The following MSH3 variants were observed in gnomAD, a reference collection of about 807,000 sequenced individuals.
The protein encoded by MSH3 is DNA mismatch repair protein Msh3.
A neutral mutation model predicts 123.3 loss-of-function variants in MSH3; 106 were observed. The ratio of observed to expected loss-of-function variants is 0.86; its 90% CI spans 0.73 to 1.01. MSH3 has a LOEUF of 1.01. MSH3 is among the 50% of genes least tolerant of loss of function. MSH3 has a pLI of 0.00. For missense variants in MSH3, 1,459 were observed against 1,347.6 expected (o/e 1.08, Z -1.29); for synonymous variants, 515 against 481.4 (o/e 1.07, Z -0.91).
chr5:80,755,788 C>G (rs1743916780), intron 12 of MSH3, among the ~76,000 whole-genome samples: 1 of 152,010 alleles, frequency 6.6e-6, no homozygotes, highest in South Asian at 2.1e-4. Flanking sequence ...GGTCTTGGGT[C>G]CATTTAAGTT....
chr5:80,740,835 C>T (rs1743600345), intron 10 of MSH3, among the ~76,000 whole-genome samples: 1 of 151,946 alleles, frequency 6.6e-6, no homozygotes, highest in Non-Finnish European at 1.5e-5. Context: ...GTGCTTCAGC[C>T]TCCCGAGTAC....
intron 23 of MSH3, 45 bp from the exon 24 acceptor site, chr5:80,875,706 C>A (rs2112131617): frequency 2.6e-6 from 3 of 1,140,266 alleles, no homozygotes; most frequent in Non-Finnish European, 2.6e-6. Flanking sequence ...TATTGTCTCC[C>A]AGCAATTTCA....
chr5:80,770,346 G>A (rs1580036588), intron 15 of MSH3, among the ~76,000 whole-genome samples: 2 of 151,730 alleles, frequency 1.3e-5, no homozygotes, highest in South Asian at 2.1e-4. Context: ...TACGACCATG[G>A]AAGAGTTACC....
Position 80,670,252 on chromosome 5 carries a change from T to C in MSH3, c.735T>C (p.Asp245=), listed in dbSNP as rs1161728755. The change falls in exon 4 of 24, where the codon GAT becomes GAC. Residue 245 remains aspartate (D), a synonymous_variant. Coordinates refer to ENST00000265081, the MANE Select transcript of MSH3 (RefSeq NM_002439.5). ...QYIEMKQQHK[D]AVLCVECGYK... ...TAGAAATGAAGCAGCAGCACAAAGA[T>C]GCAGTTTTGTGTGTGGAATGTGGAT... 7 of 1,614,144 alleles carry C rather than the reference T, an allele frequency of 4.3e-6. No homozygotes were observed. The highest frequency in any genetic ancestry group is 5.9e-6 in the Non-Finnish European group (7 of 1,180,010).
chr5:80,732,646 A>G (rs1017483496), intron 10 of MSH3, among the ~76,000 whole-genome samples: 1 of 152,190 alleles, frequency 6.6e-6, no homozygotes, highest in African/African-American at 2.4e-5. Context: ...AAAATCCTCA[A>G]TGAAATATAA....
chr5:80,673,740 G>A (rs1289667067), intron 6 of MSH3, among the ~76,000 whole-genome samples: 1 of 152,136 alleles, frequency 6.6e-6, no homozygotes, highest in Non-Finnish European at 1.5e-5. Context: ...CATAATGATT[G>A]CCCCTAAATT....
intron 13 of MSH3, 67 bp downstream of exon 13, chr5:80,761,745 G>T (rs181218748): frequency 1.9e-6 from 3 of 1,560,826 alleles, no homozygotes; most frequent in African/African-American, 1.4e-5. Flanking sequence ...TATATTAAAA[G>T]AAAACTTTTG....
intron 14 of MSH3, 116 bp downstream of exon 14, chr5:80,768,236 C>A: frequency 1.0e-6 from 1 of 959,948 alleles, no homozygotes; most frequent in Non-Finnish European, 1.6e-6. Context: ...TGCATGAGTA[C>A]ATATATAATT....
At chr5:80,745,221 C>T (rs532537348) in intron 12 of MSH3, among the ~76,000 whole-genome samples, 1 of 152,140 alleles carries the variant, frequency 6.6e-6, no homozygotes, top group African/African-American at 2.4e-5. Context: ...ATACTCATGC[C>T]TGTGTCCAGC....
intron 3 of MSH3, among the ~76,000 whole-genome samples, chr5:80,669,528 G>A (rs1463353286): frequency 3.9e-5 from 6 of 152,190 alleles, no homozygotes; most frequent in South Asian, 2.1e-4. Context: ...TGAAAATGTG[G>A]CCTTGTGCTG....
intron 20 of MSH3, among the ~76,000 whole-genome samples, chr5:80,814,381 C>T (rs1745065665): frequency 1.3e-5 from 2 of 152,190 alleles, no homozygotes; most frequent in Non-Finnish European, 2.9e-5. Flanking sequence ...AAGCTATTCT[C>T]CTGCCTCAGC....
chr5:80,772,333 C>G (rs1337195359), intron 15 of MSH3, among the ~76,000 whole-genome samples: 1 of 152,080 alleles, frequency 6.6e-6, no homozygotes, highest in Admixed American at 6.6e-5. Flanking sequence ...AGTAAAACAT[C>G]CTTAAATTAT....
At chr5:80,765,409 C>G (rs558132001) in intron 13 of MSH3, among the ~76,000 whole-genome samples, 1 of 152,218 alleles carries the variant, frequency 6.6e-6, no homozygotes, top group African/African-American at 2.4e-5. Flanking sequence ...GGGGGTCTTT[C>G]TGGAGAAAAG....
chr5:80,702,306 C>T (rs1389836510), intron 8 of MSH3, among the ~76,000 whole-genome samples: 3 of 152,136 alleles, frequency 2.0e-5, no homozygotes, highest in Admixed American at 2.0e-4. Context: ...GACATGAATC[C>T]TGAACACACC....
chr5:80,776,133 A>G (rs1744294904), intron 16 of MSH3, among the ~76,000 whole-genome samples: 1 of 151,932 alleles, frequency 6.6e-6, no homozygotes. Context: ...CAGGTGATTC[A>G]CCCACTTCAG....
intron 10 of MSH3, among the ~76,000 whole-genome samples, chr5:80,729,352 C>T (rs1367187502): frequency 6.7e-6 from 1 of 148,310 alleles, no homozygotes; most frequent in Non-Finnish European, 1.5e-5. Context: ...GGAGGTGGAG[C>T]CTGCAGTCAG....
At chr5:80,828,114 TAAAC>T (rs996585429) in intron 20 of MSH3, among the ~76,000 whole-genome samples, 10 of 152,172 alleles carry the variant, frequency 6.6e-5, no homozygotes, top group African/African-American at 1.9e-4. Flanking sequence ...GGGTAATTGA[TAAAC>T]AAAGTAAATT....
intron 15 of MSH3, among the ~76,000 whole-genome samples, chr5:80,774,689 G>C (rs1470562586): frequency 6.6e-6 from 1 of 152,156 alleles, no homozygotes; most frequent in East Asian, 1.9e-4. Flanking sequence ...AGGTCATTAT[G>C]TTAAGGGAAA....
intron 22 of MSH3, 149 bp downstream of exon 22, chr5:80,865,091 C>A: frequency 2.4e-6 from 2 of 835,176 alleles, no homozygotes; most frequent in Non-Finnish European, 3.9e-6. Context: ...TTTTGCTAAG[C>A]TTTAGGTCAA....
Sources: allele counts gnomAD v4.1 joint callset (sites outside exome capture counted in the v4.1 genomes callset), GRCh38; gene constraint gnomAD v4.1.1; transcripts MANE v1.5; gene names NCBI Gene and HGNC (gene_info 2026-07-23, HGNC 2026-07-21).